The following NDRG4 variants were observed in gnomAD, a reference collection of about 807,000 sequenced individuals.
The protein encoded by NDRG4 is NDRG family member 4.
Under a neutral mutation model 55.8 loss-of-function variants are expected in NDRG4, and 38 were observed. That is an observed-to-expected ratio of 0.68 (90% CI 0.53 to 0.89). The LOEUF (loss-of-function observed/expected upper bound fraction) is 0.89. Ranked by LOEUF, NDRG4 falls within the 40% of genes least tolerant of loss-of-function variation. The pLI is 0.00. For missense variants in NDRG4, 455 were observed against 468.6 expected (o/e 0.97, Z 0.27); for synonymous variants, 190 against 182.7 (o/e 1.04, Z -0.32).
At chr16:58,481,897 C>T (rs2151636948) in intron 1 of NDRG4, among the ~76,000 whole-genome samples, 1 of 152,298 alleles carries the variant, frequency 6.6e-6, no homozygotes, top group Middle Eastern at 3.4e-3. Flanking sequence ...CAGTTCCAGA[C>T]CCCCTATATA....
rs763917334 is a variant in NDRG4 at position 58,509,138 on chromosome 16, ACTCT to A, written c.778-12_778-9del. On this transcript the variant is annotated splice_polypyrimidine_tract_variant and intron_variant, in intron 11 of 14. Transcript: ENST00000570248. ...GTGAGGGCCCTGCTCAGGTCACCCC[ACTCT>A]CTCCCTTGCAGATGGCAGACTCTGG... The A allele has an allele frequency of 1.2e-6, 2 of 1,613,226 alleles. No homozygotes were observed. The highest frequency in any genetic ancestry group is 1.7e-6 in the Non-Finnish European group (2 of 1,179,806).
At chr16:58,491,891 C>T (rs1276774464) in intron 2 of NDRG4, among the ~76,000 whole-genome samples, 7 of 152,326 alleles carry the variant, frequency 4.6e-5, no homozygotes, top group South Asian at 2.1e-4. Context: ...AAGTGATCCT[C>T]CTACTTCAGC....
At chr16:58,494,467 G>T (rs1362837853) in intron 2 of NDRG4, among the ~76,000 whole-genome samples, 1 of 152,160 alleles carries the variant, frequency 6.6e-6, no homozygotes, top group Non-Finnish European at 1.5e-5. Context: ...GGGAGCAGAA[G>T]GGCAAAGTGA....
chr16:58,466,102 C>T (rs543146715), intron 1 of NDRG4, among the ~76,000 whole-genome samples: 18 of 152,306 alleles, frequency 1.2e-4, no homozygotes, highest in Admixed American at 6.5e-4. Context: ...CTGCAGCGTC[C>T]GTCTCCCAGG....
intron 1 of NDRG4, among the ~76,000 whole-genome samples, chr16:58,486,819 C>T (rs1374442729): frequency 2.0e-5 from 3 of 152,092 alleles, no homozygotes; most frequent in South Asian, 2.1e-4. Flanking sequence ...AATTAGGGCC[C>T]GGGCCCACCC....
intron 14 of NDRG4, chr16:58,510,907 C>T (rs767037791): frequency 1.6e-4 from 93 of 592,722 alleles, no homozygotes; most frequent in South Asian, 3.0e-4. Context: ...TCATGAGCTG[C>T]GTGGCTTCCA....
chr16:58,478,705 TTTTTGTAA>T (rs1468480830), intron 1 of NDRG4, among the ~76,000 whole-genome samples: 2 of 150,774 alleles, frequency 1.3e-5, no homozygotes, highest in African/African-American at 4.9e-5. Flanking sequence ...TTGTTTTTTT[TTTTTGTAA>T]TTTTTTTGTA....
At chr16:58,473,941 A>G (rs2033224477) in intron 1 of NDRG4, among the ~76,000 whole-genome samples, 2 of 150,940 alleles carry the variant, frequency 1.3e-5, no homozygotes, top group African/African-American at 2.4e-5. Context: ...CCAGCACTCC[A>G]ACGCTTACCA....
chr16:58,496,062 G>A (rs937226829), upstream of NDRG4, among the ~76,000 whole-genome samples: 7 of 152,182 alleles, frequency 4.6e-5, no homozygotes, highest in East Asian at 9.6e-4. Context: ...GGAGGAGGGG[G>A]TTGGCCAAGT....
intron 8 of NDRG4, 106 bp downstream of exon 8, chr16:58,507,121 AG>A (rs2038144557): frequency 1.2e-6 from 1 of 850,644 alleles, no homozygotes; most frequent in Non-Finnish European, 1.9e-6. Context: ...CCTGGTTTGT[AG>A]ATGGGCACGA....
intron 1 of NDRG4, among the ~76,000 whole-genome samples, chr16:58,467,807 C>T (rs751137965): frequency 1.4e-4 from 22 of 152,170 alleles, no homozygotes; most frequent in Non-Finnish European, 2.6e-4. Context: ...TGCAAGACGT[C>T]GAGTGCAGCT....
intron 1 of NDRG4, among the ~76,000 whole-genome samples, chr16:58,471,186 CTTTTTTTTTTTTTTT>C (rs528375397): frequency 1.5e-5 from 1 of 67,076 alleles, no homozygotes; most frequent in Non-Finnish European, 3.0e-5. Context: ...ATGTGTGTTG[CTTTTTTTTTTTTTTT>C]TTTTTTTTTT....
At position 58,484,266 on chromosome 16, in the gene NDRG4, G is replaced by A. The variant is rs550878194; in HGVS notation, c.-23-3490G>A. Among the ~76,000 whole-genome samples the A allele has an allele frequency of 2.6e-4, 40 of 152,180 alleles. No individual in the cohort carries two copies. The South Asian group carries it at 7.7e-3, about 29-fold the overall frequency. On this transcript the variant is annotated intron_variant, in intron 1 of 15. Transcript: ENST00000258187. ...CAGGTGCCTGTAATCCCAACTACTT[G>A]GGAGGATGAAGCAGGAGAATCACTT...
At chr16:58,515,076 G>A (rs1304927179), downstream of NDRG4, among the ~76,000 whole-genome samples, 1 of 152,180 alleles carries the variant, frequency 6.6e-6, no homozygotes, top group Non-Finnish European at 1.5e-5. Context: ...AAACACACAC[G>A]AAAACTGCTC....
intron 1 of NDRG4, among the ~76,000 whole-genome samples, chr16:58,475,928 C>T (rs1253619508): frequency 6.6e-6 from 1 of 152,154 alleles, no homozygotes; most frequent in Non-Finnish European, 1.5e-5. Context: ...TCCCAAATAG[C>T]TGGGGTTACA....
At chr16:58,506,807 G>A (rs1224425776) in intron 7 of NDRG4, 105 bp from the exon 8 acceptor site, 2 of 1,251,998 alleles carry the variant, frequency 1.6e-6, no homozygotes, top group Non-Finnish European at 2.3e-6. Context: ...CCTGCCTGCT[G>A]AGTGGGGCAA....
At chr16:58,506,676 G>C (rs552866640) in intron 7 of NDRG4, 62 bp downstream of exon 7, 1 of 1,524,128 alleles carries the variant, frequency 6.6e-7, no homozygotes, top group South Asian at 1.2e-5. Context: ...CAGCTGGCTC[G>C]GTAGGAGGCA....
intron 1 of NDRG4, among the ~76,000 whole-genome samples, chr16:58,477,980 C>T (rs1202265515): frequency 1.3e-5 from 2 of 152,174 alleles, no homozygotes; most frequent in African/African-American, 2.4e-5. Context: ...CTGAGAAGGG[C>T]ACCTCCTTCT....
intron 5 of NDRG4, chr16:58,505,914 G>A: frequency 3.9e-6 from 1 of 255,006 alleles, no homozygotes; most frequent in South Asian, 3.8e-5. Flanking sequence ...TAGAGACAGG[G>A]CTTCACCATG....
Sources: allele counts gnomAD v4.1 joint callset (sites outside exome capture counted in the v4.1 genomes callset), GRCh38; gene constraint gnomAD v4.1.1; transcripts MANE v1.5; gene names NCBI Gene and HGNC (gene_info 2026-07-23, HGNC 2026-07-21).